The following GALNT13 variants were observed in gnomAD, a reference collection of about 807,000 sequenced individuals.
GALNT13 encodes the protein polypeptide N-acetylgalactosaminyltransferase 13.
GALNT13 carries 28 observed loss-of-function variants against 64.2 expected under a neutral mutation model. That is an observed-to-expected ratio of 0.44 (90% CI 0.32 to 0.60). The LOEUF is 0.60. Ranked by LOEUF, GALNT13 falls within the 20% of genes least tolerant of loss-of-function variation. The pLI, the probability that GALNT13 is intolerant of heterozygous loss-of-function variation, is 0.05. For missense variants in GALNT13, 577 were observed against 669.8 expected (o/e 0.86, Z 1.53); for synonymous variants, 214 against 224.6 (o/e 0.95, Z 0.42).
the GALNT13 span, among the ~76,000 whole-genome samples, chr2:153,417,386 T>G: frequency 6.6e-6 from 1 of 152,188 alleles, no homozygotes; most frequent in African/African-American, 2.4e-5. Flanking sequence ...TGAAATGATT[T>G]AACTTATGCT....
At chr2:154,181,975 A>C (rs1305985487) in intron 4 of GALNT13, among the ~76,000 whole-genome samples, 24 of 151,980 alleles carry the variant, frequency 1.6e-4, no homozygotes, top group Admixed American at 1.6e-3. Context: ...TTTTAATATG[A>C]GAGTCTAATA....
intron 9 of GALNT13, among the ~76,000 whole-genome samples, chr2:154,315,862 A>G (rs1694291097): frequency 1.3e-5 from 2 of 152,156 alleles, no homozygotes; most frequent in South Asian, 2.1e-4. Context: ...AATGTATCAA[A>G]CCGGATCACA....
rs942050420 is a variant in GALNT13, at chr2:154,408,668, G to A, written c.1297-316G>A. ...GTGTGTCCTAATTTTCAGAGGATTT[G>A]GGGAAGAATTCCTAATTCATAATAT... is the stretch of plus-strand genomic sequence containing the variant. On this transcript the variant is annotated intron_variant, in intron 10 of 12. Transcript: ENST00000392825. Among the ~76,000 whole-genome samples, 16 of 152,040 alleles carry A rather than the reference G, an allele frequency of 1.1e-4. No homozygotes were observed. In the South Asian group the frequency reaches 2.1e-3, roughly 20 times the overall value.
At chr2:154,437,586 G>A (rs1388661976) in intron 11 of GALNT13, 1 of 1,269,130 alleles carries the variant, frequency 7.9e-7, no homozygotes, top group African/African-American at 1.5e-5. Context: ...GCTGGGCATG[G>A]CGGCTCACAC....
the GALNT13 span, among the ~76,000 whole-genome samples, chr2:153,581,361 CT>C: frequency 6.6e-6 from 1 of 151,954 alleles, no homozygotes; most frequent in Non-Finnish European, 1.5e-5. Flanking sequence ...TCTCATGTTT[CT>C]TTTTTTCCCA....
In GALNT13 at chr2:154,007,014, T is replaced by G. The variant is rs1042910515; in HGVS notation, c.142+62375T>G. 2.9e-4 allele frequency among the ~76,000 whole-genome samples: 44 copies of G among 152,178 alleles called. 1 individual carries two copies. The highest frequency in any genetic ancestry group is 5.9e-5 in the Non-Finnish European group (4 of 68,028). On this transcript the variant is annotated intron_variant, in intron 3 of 12. Transcript: ENST00000392825. ...AAGATGAAGAGATTCTGCAGATGTA[T>G]TAAGGTCCCAAATCAGCTGGATTTT...
At chr2:154,243,655 T>C (rs1241234652) in intron 6 of GALNT13, among the ~76,000 whole-genome samples, 4 of 152,206 alleles carry the variant, frequency 2.6e-5, no homozygotes, top group African/African-American at 9.7e-5. Flanking sequence ...AAGCATTTTT[T>C]AGCAAATATT....
intron 12 of GALNT13, among the ~76,000 whole-genome samples, chr2:154,443,723 T>C (rs1229346114): frequency 1.3e-5 from 2 of 152,114 alleles, no homozygotes; most frequent in South Asian, 2.1e-4. Context: ...GTAGGAATTA[T>C]ATATTTGGAA....
chr2:154,154,208 A>C (rs567594121), intron 4 of GALNT13, among the ~76,000 whole-genome samples: 1 of 152,342 alleles, frequency 6.6e-6, no homozygotes, highest in Non-Finnish European at 1.5e-5. Context: ...TAAATCTGAT[A>C]GTTTTTTCCA....
chr2:153,512,917 A>G, the GALNT13 span, among the ~76,000 whole-genome samples: 1 of 152,148 alleles, frequency 6.6e-6, no homozygotes, highest in Admixed American at 6.5e-5. Flanking sequence ...TATGATATAC[A>G]TTAGGTTTCT....
the GALNT13 span, among the ~76,000 whole-genome samples, chr2:153,176,937 A>G: frequency 9.9e-5 from 15 of 152,146 alleles, no homozygotes; most frequent in Admixed American, 3.9e-4. Context: ...TACTTTAGGC[A>G]TGAAGGTAAA....
chr2:153,691,638 CA>C, the GALNT13 span, among the ~76,000 whole-genome samples: 1 of 151,760 alleles, frequency 6.6e-6, no homozygotes, highest in Non-Finnish European at 1.5e-5. Flanking sequence ...GACGAATAAA[CA>C]CAAGAAAAAA....
the GALNT13 span, among the ~76,000 whole-genome samples, chr2:153,148,380 G>C: frequency 6.6e-6 from 1 of 151,674 alleles, no homozygotes; most frequent in African/African-American, 2.4e-5. Context: ...TGTCTCTCTT[G>C]CTTCCTGAAT....
chr2:153,765,125 G>C, the GALNT13 span, among the ~76,000 whole-genome samples: 1 of 152,358 alleles, frequency 6.6e-6, no homozygotes, highest in Non-Finnish European at 1.5e-5. Context: ...CCCCCACACA[G>C]GGTCCCCATT....
At chr2:153,656,601 G>C in the GALNT13 span, among the ~76,000 whole-genome samples, 1 of 152,088 alleles carries the variant, frequency 6.6e-6, no homozygotes, top group Non-Finnish European at 1.5e-5. Context: ...TAAAGTTCTT[G>C]TAGTCATTAA....
intron 3 of GALNT13, among the ~76,000 whole-genome samples, chr2:154,014,586 T>G (rs1414371504): frequency 8.0e-6 from 1 of 125,714 alleles, no homozygotes; most frequent in Non-Finnish European, 1.8e-5. Context: ...TGTTTTTTTT[T>G]GTTGTTGTTG....
At chr2:153,584,371 G>A in the GALNT13 span, among the ~76,000 whole-genome samples, 3 of 152,144 alleles carry the variant, frequency 2.0e-5, no homozygotes, top group Non-Finnish European at 4.4e-5. Flanking sequence ...GGACACCTAA[G>A]CACTTCTCAG....
the GALNT13 span, among the ~76,000 whole-genome samples, chr2:153,278,835 C>A: frequency 6.6e-6 from 1 of 152,046 alleles, no homozygotes; most frequent in Non-Finnish European, 1.5e-5. Flanking sequence ...TTTGACTATT[C>A]TGTCTCCTTT....
intron 9 of GALNT13, among the ~76,000 whole-genome samples, chr2:154,376,938 C>G (rs1198543733): frequency 2.6e-5 from 4 of 152,090 alleles, no homozygotes; most frequent in Admixed American, 2.6e-4. Flanking sequence ...CTAGAAAAGA[C>G]TAAGTCTTGC....
Sources: gnomAD v4.1 joint callset for allele counts (sites outside exome capture counted in the v4.1 genomes callset) on GRCh38, gnomAD v4.1.1 for gene constraint, MANE v1.5 for transcripts, NCBI Gene and HGNC (gene_info 2026-07-23, HGNC 2026-07-21) for gene names.